Variants in CADPS2 observed in about 807,000 individuals in gnomAD.
The protein encoded by CADPS2 is calcium-dependent secretion activator 2.
CADPS2 carries 93 observed loss-of-function variants against 172.5 expected under a neutral mutation model. The ratio of observed to expected loss-of-function variants is 0.54; its 90% CI spans 0.46 to 0.64. The LOEUF (loss-of-function observed/expected upper bound fraction) is 0.64, where lower values mean the gene tolerates loss of function less well. Among genes scored for constraint, CADPS2 ranks in the 30% least tolerant of loss-of-function variants. The pLI, the probability that CADPS2 is intolerant of heterozygous loss-of-function variation, is 0.00. For synonymous variants in CADPS2, 546 were observed against 555.2 expected, an observed-to-expected ratio of 0.98 and a Z score of 0.23; for missense variants, 1,420 against 1,565.9, an observed-to-expected ratio of 0.91 and a Z score of 1.57.
rs1039196856 is a variant in CADPS2, at chr7:122,335,260, C to CT, written c.3613-9680dup. ...TTAAACTTATACATTTATTGCCTATCTTTTTTTGAGATGGAGTCTCGCTCT... is the reference window on the plus strand; with the variant it reads ...TTAAACTTATACATTTATTGCCTATCTTTTTTTTGAGATGGAGTCTCGCTCT... On this transcript the variant is annotated intron_variant, in intron 28 of 29. Transcript: ENST00000449022. 3.3e-5 allele frequency among the ~76,000 whole-genome samples: 5 copies of CT among 152,224 alleles called. No homozygotes were observed. The East Asian group carries it at 9.7e-4, about 29-fold the overall frequency.
At chr7:122,700,263 C>T (rs1322213408) in intron 2 of CADPS2, among the ~76,000 whole-genome samples, 1 of 152,108 alleles carries the variant, frequency 6.6e-6, no homozygotes, top group African/African-American at 2.4e-5. Flanking sequence ...TTGGAACTCA[C>T]CAGGACTAAA....
intron 20 of CADPS2, among the ~76,000 whole-genome samples, chr7:122,404,523 G>A (rs1455291884): frequency 6.6e-6 from 1 of 152,102 alleles, no homozygotes; most frequent in Non-Finnish European, 1.5e-5. Context: ...TGCGATTGCT[G>A]GGTCAAATAG....
At chr7:122,734,649 A>G (rs1435152919) in intron 2 of CADPS2, among the ~76,000 whole-genome samples, 1 of 152,050 alleles carries the variant, frequency 6.6e-6, no homozygotes, top group African/African-American at 2.4e-5. Flanking sequence ...TGCAAAATAT[A>G]CTTCTAAAAA....
chr7:122,416,250 G>T, intron 17 of CADPS2, 86 bp from the exon 18 acceptor site: 2 of 514,716 alleles, frequency 3.9e-6, no homozygotes, highest in Non-Finnish European at 3.2e-6. Flanking sequence ...CTAGAATGTT[G>T]AAATAGAATG....
intron 3 of CADPS2, among the ~76,000 whole-genome samples, chr7:122,634,334 T>C (rs1298524233): frequency 6.6e-6 from 1 of 152,198 alleles, no homozygotes; most frequent in Non-Finnish European, 1.5e-5. Flanking sequence ...TTTAAATTAC[T>C]GATTCAATTT....
chr7:122,515,898 TTTG>T (rs2060333226), intron 8 of CADPS2, among the ~76,000 whole-genome samples: 1 of 151,854 alleles, frequency 6.6e-6, no homozygotes, highest in Non-Finnish European at 1.5e-5. Context: ...TTTGGTCAAT[TTTG>T]TTAATTTCTT....
At chr7:122,781,239 C>A (rs986792750) in intron 1 of CADPS2, among the ~76,000 whole-genome samples, 2 of 152,106 alleles carry the variant, frequency 1.3e-5, no homozygotes, top group Non-Finnish European at 2.9e-5. Flanking sequence ...ATTAAAATAT[C>A]TTTTCCTTAT....
intron 20 of CADPS2, among the ~76,000 whole-genome samples, chr7:122,407,004 A>G (rs1404577704): frequency 6.6e-6 from 1 of 152,196 alleles, no homozygotes; most frequent in Admixed American, 6.5e-5. Flanking sequence ...ATTGAGAATA[A>G]AAGTATCAAT....
intron 9 of CADPS2, among the ~76,000 whole-genome samples, chr7:122,510,919 A>G (rs1377048704): frequency 6.6e-6 from 1 of 152,092 alleles, no homozygotes; most frequent in Non-Finnish European, 1.5e-5. Flanking sequence ...TGTGTTTAAA[A>G]CTTGTCAGAA....
intron 4 of CADPS2, among the ~76,000 whole-genome samples, chr7:122,622,303 A>C (rs1484593028): frequency 6.6e-6 from 1 of 152,232 alleles, no homozygotes; most frequent in Non-Finnish European, 1.5e-5. Context: ...TTCTGGCTAT[A>C]AATTCAGTTT....
chr7:122,819,037 G>T (rs534164039), intron 1 of CADPS2, among the ~76,000 whole-genome samples: 2 of 152,018 alleles, frequency 1.3e-5, no homozygotes, highest in Non-Finnish European at 1.5e-5. Flanking sequence ...AATTAACCTC[G>T]CCTTCAAGGT....
At chr7:122,368,098 C>T (rs62474592) in intron 25 of CADPS2, 34,104 of 152,274 alleles carry the variant, frequency 0.22, 4,057 homozygotes, top group Non-Finnish European at 0.25. Flanking sequence ...AGGCTGGTCT[C>T]GAACTCCTGA....
At chr7:122,369,193 G>A (rs1471437536) in intron 25 of CADPS2, among the ~76,000 whole-genome samples, 7 of 126,308 alleles carry the variant, frequency 5.5e-5, no homozygotes, top group Admixed American at 1.1e-4. Flanking sequence ...GTGCAGTGGC[G>A]CAATCTCGGC....
At chr7:122,862,570 G>A (rs563379207) in intron 1 of CADPS2, among the ~76,000 whole-genome samples, 19 of 152,196 alleles carry the variant, frequency 1.2e-4, no homozygotes, top group Non-Finnish European at 1.9e-4. Flanking sequence ...TGAGCCTTAA[G>A]AGGAGTAAGG....
intron 2 of CADPS2, chr7:122,698,204 G>A (rs746608657): frequency 2.5e-6 from 4 of 1,613,780 alleles, no homozygotes; most frequent in Non-Finnish European, 3.4e-6. Context: ...ACTACTCGAA[G>A]TTGGAGTTGT....
chr7:122,675,876 G>T (rs1305684631), intron 2 of CADPS2, among the ~76,000 whole-genome samples: 1 of 151,974 alleles, frequency 6.6e-6, no homozygotes, highest in African/African-American at 2.4e-5. Context: ...ATGCACACAG[G>T]GCTTAAAATT....
At chr7:122,367,271 T>TC (rs2041040286) in intron 25 of CADPS2, among the ~76,000 whole-genome samples, 1 of 152,140 alleles carries the variant, frequency 6.6e-6, no homozygotes, top group Non-Finnish European at 1.5e-5. Context: ...GGGGAAAATA[T>TC]TCTAAGTTAT....
intron 2 of CADPS2, among the ~76,000 whole-genome samples, chr7:122,719,788 G>A (rs2090145000): frequency 6.6e-6 from 1 of 151,756 alleles, no homozygotes; most frequent in African/African-American, 2.4e-5. Context: ...TATATTCCAA[G>A]GTGATTGAAA....
intron 7 of CADPS2, among the ~76,000 whole-genome samples, chr7:122,564,432 C>T (rs896765621): frequency 6.6e-6 from 1 of 152,070 alleles, no homozygotes; most frequent in East Asian, 1.9e-4. Flanking sequence ...CCTCAGCCTC[C>T]GGAGTAGCTG....
Sources: allele counts gnomAD v4.1 joint callset (sites outside exome capture counted in the v4.1 genomes callset), GRCh38; gene constraint gnomAD v4.1.1; transcripts MANE v1.5; gene names NCBI Gene and HGNC (gene_info 2026-07-23, HGNC 2026-07-21).